BMPR1B: variants seen among roughly 807,000 people sequenced by gnomAD.
BMPR1B encodes the protein bone morphogenetic protein receptor type 1B, also known as bone morphogenetic protein receptor type-1B.
Under a neutral mutation model 59.1 loss-of-function variants are expected in BMPR1B, and 12 were observed. The observed-to-expected ratio is 0.20, with a 90% CI of 0.13 to 0.33. The LOEUF (loss-of-function observed/expected upper bound fraction) is 0.33. Among genes scored for constraint, BMPR1B ranks in the 10% least tolerant of loss-of-function variants. The probability of loss-of-function intolerance (pLI) is 1.00; values close to 1 mark genes in which losing one functional copy is unlikely to be tolerated. For synonymous variants in BMPR1B, 237 were observed against 207.3 expected (o/e 1.14, Z -1.23); for missense variants, 550 against 610.9 (o/e 0.90, Z 1.05).
chr4:94,885,852 G>T (rs1016631110), intron 2 of BMPR1B, among the ~76,000 whole-genome samples: 2 of 152,124 alleles, frequency 1.3e-5, no homozygotes, highest in African/African-American at 4.8e-5. Flanking sequence ...ATCTGACCAA[G>T]CCCTGGTCAC....
At chr4:95,087,364 A>ATGTGTG (rs149996410) in intron 3 of BMPR1B, among the ~76,000 whole-genome samples, 1 of 151,404 alleles carries the variant, frequency 6.6e-6, no homozygotes, top group South Asian at 2.1e-4. Context: ...CTAGAGATAG[A>ATGTGTG]TGTGTGTGTG....
At chr4:95,003,266 A>G (rs1459539660) in intron 3 of BMPR1B, among the ~76,000 whole-genome samples, 3 of 152,200 alleles carry the variant, frequency 2.0e-5, no homozygotes, top group African/African-American at 7.2e-5. Flanking sequence ...TTTTCTGACC[A>G]ATACTTCAGC....
chr4:95,021,950 T>C (rs1184505593), intron 3 of BMPR1B, among the ~76,000 whole-genome samples: 1 of 152,234 alleles, frequency 6.6e-6, no homozygotes, highest in Admixed American at 6.5e-5. Context: ...CTTACATATG[T>C]GTTACCTCAA....
chr4:94,856,644 C>T (rs903231378), intron 1 of BMPR1B, among the ~76,000 whole-genome samples: 1 of 152,202 alleles, frequency 6.6e-6, no homozygotes, highest in African/African-American at 2.4e-5. Context: ...TATCTTTCTA[C>T]ATTCTTGCTA....
At chr4:95,048,230 A>G (rs746097877) in intron 3 of BMPR1B, among the ~76,000 whole-genome samples, 1 of 151,946 alleles carries the variant, frequency 6.6e-6, no homozygotes, top group Admixed American at 6.6e-5. Flanking sequence ...TATCTTTTCT[A>G]CTGTCAATAG....
At chr4:95,083,386 C>G (rs1729323565) in intron 3 of BMPR1B, among the ~76,000 whole-genome samples, 1 of 151,986 alleles carries the variant, frequency 6.6e-6, no homozygotes, top group Non-Finnish European at 1.5e-5. Flanking sequence ...TAACTATAAT[C>G]TATGGCTACA....
At chr4:95,074,041 C>CT (rs1560633605) in intron 3 of BMPR1B, among the ~76,000 whole-genome samples, 3 of 151,906 alleles carry the variant, frequency 2.0e-5, no homozygotes, top group African/African-American at 4.8e-5. Flanking sequence ...GTAATATAGA[C>CT]ATACTTGATT....
chr4:95,089,195 T>C (rs1183731041), intron 3 of BMPR1B, among the ~76,000 whole-genome samples: 1 of 152,120 alleles, frequency 6.6e-6, no homozygotes, highest in Non-Finnish European at 1.5e-5. Context: ...TGGAAAAACA[T>C]AACACACACA....
intron 1 of BMPR1B, among the ~76,000 whole-genome samples, chr4:94,859,357 G>A (rs1725892030): frequency 6.6e-6 from 1 of 152,140 alleles, no homozygotes; most frequent in African/African-American, 2.4e-5. Context: ...AATTATCCAA[G>A]TTAATTTTTC....
At chr4:95,030,167 T>C (rs1400195155) in intron 3 of BMPR1B, among the ~76,000 whole-genome samples, 1 of 152,002 alleles carries the variant, frequency 6.6e-6, no homozygotes, top group Non-Finnish European at 1.5e-5. Flanking sequence ...TTGCTTTTGG[T>C]GTTTTAGACA....
Position 95,144,001 on chromosome 4 carries a change from AT to A in BMPR1B, c.1077-4732del, listed in dbSNP as rs80236648. Among the ~76,000 whole-genome samples the A allele has an allele frequency of 7.8e-3, 1,109 of 142,884 alleles. 1 individual carries two copies. The highest frequency in any genetic ancestry group is 0.011 in the Middle Eastern group (3 of 270). The allele number at this position is 142,884 out of a possible 152,430, so 93.7% of individuals were successfully genotyped here. A position where few individuals can be genotyped will look rare whatever the true frequency, so the allele number is the denominator to read the frequency against. ...TTAGTCCACCTGGACATTTCTCCCA[AT>A]TTTTTTTTTTTTTTACCCCTACAGG... On this transcript the variant is annotated intron_variant, in intron 10 of 12. Transcript: ENST00000515059.
intron 2 of BMPR1B, among the ~76,000 whole-genome samples, chr4:94,884,169 G>T (rs1402333067): frequency 6.6e-6 from 1 of 152,134 alleles, no homozygotes; most frequent in East Asian, 1.9e-4. Context: ...GCCTTTAGTA[G>T]ATTTTCAGTG....
At chr4:95,057,698 G>A (rs1727036248) in intron 3 of BMPR1B, among the ~76,000 whole-genome samples, 4 of 151,534 alleles carry the variant, frequency 2.6e-5, no homozygotes, top group Admixed American at 2.6e-4. Flanking sequence ...AGAGGGTTTG[G>A]ATTATATTGA....
At chr4:95,030,195 C>T (rs577869333) in intron 3 of BMPR1B, among the ~76,000 whole-genome samples, 5 of 152,122 alleles carry the variant, frequency 3.3e-5, no homozygotes, top group East Asian at 1.9e-4. Flanking sequence ...CTTGCCCATG[C>T]CTATGTCCTG....
intron 1 of BMPR1B, among the ~76,000 whole-genome samples, chr4:94,819,305 C>T (rs961450336): frequency 1.1e-4 from 16 of 152,202 alleles, no homozygotes; most frequent in South Asian, 4.1e-4. Flanking sequence ...TAACTCTTAC[C>T]GCTACAACTT....
chr4:95,002,031 C>T (rs1451212256), intron 3 of BMPR1B, among the ~76,000 whole-genome samples: 5 of 152,090 alleles, frequency 3.3e-5, no homozygotes, highest in Non-Finnish European at 5.9e-5. Flanking sequence ...AGGTTTGTTA[C>T]ATAGGTATAT....
chr4:94,914,790 AG>A (rs1003280026), intron 2 of BMPR1B, among the ~76,000 whole-genome samples: 4 of 152,174 alleles, frequency 2.6e-5, no homozygotes, highest in Non-Finnish European at 5.9e-5. Flanking sequence ...ACTGGAGATT[AG>A]GGGACTGTGA....
intron 1 of BMPR1B, among the ~76,000 whole-genome samples, chr4:94,853,503 A>G (rs1001847731): frequency 6.6e-6 from 1 of 152,244 alleles, no homozygotes; most frequent in Non-Finnish European, 1.5e-5. Flanking sequence ...TGGAGGCTGT[A>G]TCTTATAGAT....
At chr4:94,808,685 T>G (rs546321738) in intron 1 of BMPR1B, among the ~76,000 whole-genome samples, 135 of 152,342 alleles carry the variant, frequency 8.9e-4, no homozygotes, top group African/African-American at 3.0e-3. Flanking sequence ...AACACTAGCT[T>G]GGTATAAGTT....
Sources: allele counts gnomAD v4.1 joint callset (sites outside exome capture counted in the v4.1 genomes callset), GRCh38; gene constraint gnomAD v4.1.1; transcripts MANE v1.5; gene names NCBI Gene and HGNC (gene_info 2026-07-23, HGNC 2026-07-21).